The following DSCAM variants were observed in gnomAD, a reference collection of about 807,000 sequenced individuals.
DSCAM encodes DS cell adhesion molecule.
DSCAM carries 47 observed loss-of-function variants against 217.7 expected under a neutral mutation model. That is an observed-to-expected ratio of 0.22 (90% CI 0.17 to 0.28). The LOEUF is 0.28. Among genes scored for constraint, DSCAM ranks in the 10% least tolerant of loss-of-function variants. The pLI is 1.00. For synonymous variants in DSCAM, 1,056 were observed against 1,015.3 expected (o/e 1.04, Z -0.76); for missense variants, 2,080 against 2,618.3 (o/e 0.79, Z 4.49).
At chr21:40,552,802 CATAA>C (rs538832058) in intron 3 of DSCAM, among the ~76,000 whole-genome samples, 194 of 152,324 alleles carry the variant, frequency 1.3e-3, no homozygotes, top group Admixed American at 2.4e-3. Context: ...ATTGATGCCA[CATAA>C]ATAGTTTTGA....
At chr21:40,306,371 A>T (rs1424079158) in intron 9 of DSCAM, among the ~76,000 whole-genome samples, 2 of 151,394 alleles carry the variant, frequency 1.3e-5, no homozygotes, top group East Asian at 1.9e-4. Flanking sequence ...CTAGATATAC[A>T]ATCATGTCAT....
At chr21:40,671,692 C>CAAAAAAAA (rs71330402) in intron 3 of DSCAM, among the ~76,000 whole-genome samples, 3 of 108,956 alleles carry the variant, frequency 2.8e-5, no homozygotes, top group African/African-American at 7.3e-5. Context: ...ATTCCTTAAA[C>CAAAAAAAA]AAAAAAAAAA....
intron 2 of DSCAM, among the ~76,000 whole-genome samples, chr21:40,696,168 T>C (rs952528466): frequency 1.3e-5 from 2 of 152,116 alleles, no homozygotes; most frequent in Admixed American, 6.5e-5. Flanking sequence ...CTTGGTGTCA[T>C]AAGTTAGGCT....
intron 3 of DSCAM, among the ~76,000 whole-genome samples, chr21:40,453,768 C>T (rs2075741192): frequency 6.6e-6 from 1 of 152,186 alleles, no homozygotes; most frequent in African/African-American, 2.4e-5. Context: ...ATATAAAGTA[C>T]AAACAGTCCC....
At chr21:40,488,371 C>T (rs117190866) in intron 3 of DSCAM, among the ~76,000 whole-genome samples, 13 of 152,096 alleles carry the variant, frequency 8.5e-5, no homozygotes, top group African/African-American at 1.9e-4. Context: ...GGAAAAGAGA[C>T]GTTTGGTCTC....
chr21:40,831,314 C>T (rs562895486), intron 1 of DSCAM, among the ~76,000 whole-genome samples: 1 of 152,248 alleles, frequency 6.6e-6, no homozygotes, highest in South Asian at 2.1e-4. Context: ...TATGCACACA[C>T]ACACAGGCAC....
intron 4 of DSCAM, 66 bp downstream of exon 4, chr21:40,369,033 G>T: frequency 7.0e-7 from 1 of 1,431,146 alleles, no homozygotes. Context: ...AATTTTGATT[G>T]AGTCGTCTCA....
chr21:40,146,891 C>T (rs544208827), intron 16 of DSCAM, among the ~76,000 whole-genome samples: 1 of 152,222 alleles, frequency 6.6e-6, no homozygotes, highest in African/African-American at 2.4e-5. Context: ...AATTCAATTA[C>T]TCTATGTGAA....
At chr21:40,439,552 G>A (rs913462568) in intron 3 of DSCAM, among the ~76,000 whole-genome samples, 13 of 152,224 alleles carry the variant, frequency 8.5e-5, no homozygotes, top group Admixed American at 7.9e-4. Flanking sequence ...TGAGATCTGA[G>A]TCCCATGCAC....
intron 20 of DSCAM, among the ~76,000 whole-genome samples, chr21:40,122,452 T>C (rs927215503): frequency 6.6e-6 from 1 of 152,176 alleles, no homozygotes; most frequent in African/African-American, 2.4e-5. Flanking sequence ...CTAATACAGA[T>C]GCAATTCAAG....
chr21:40,687,435 A>G (rs1335873760), intron 3 of DSCAM, among the ~76,000 whole-genome samples: 3 of 152,174 alleles, frequency 2.0e-5, no homozygotes, highest in East Asian at 1.9e-4. Context: ...GTGAGGAGCA[A>G]TAAAATCACA....
chr21:40,427,495 T>TA (rs1310010952), intron 3 of DSCAM, among the ~76,000 whole-genome samples: 1 of 152,208 alleles, frequency 6.6e-6, no homozygotes, highest in African/African-American at 2.4e-5. Context: ...TCTAGAAGGC[T>TA]AAGGTCAGAC....
chr21:40,317,841 C>G, intron 8 of DSCAM, among the ~76,000 whole-genome samples: 1 of 152,004 alleles, frequency 6.6e-6, no homozygotes, highest in East Asian at 1.9e-4. Context: ...ATGTCTTGTT[C>G]ATTTTGATTG....
chr21:40,182,257 G>A (rs766637106), intron 14 of DSCAM, among the ~76,000 whole-genome samples: 71 of 152,106 alleles, frequency 4.7e-4, no homozygotes, highest in Admixed American at 2.6e-3. Context: ...AGGAGGAGGT[G>A]TGGGGACACA....
chr21:40,208,696 C>T (rs76632191), intron 11 of DSCAM, among the ~76,000 whole-genome samples: 1 of 152,134 alleles, frequency 6.6e-6, no homozygotes, highest in Non-Finnish European at 1.5e-5. Flanking sequence ...CGAGAACATG[C>T]AGAAAGATCT....
At chr21:40,622,465 T>C (rs969831877) in intron 3 of DSCAM, among the ~76,000 whole-genome samples, 3 of 152,166 alleles carry the variant, frequency 2.0e-5, no homozygotes, top group African/African-American at 7.2e-5. Context: ...ACCGACACCA[T>C]TCCCATGGAA....
At chr21:40,481,821 A>G (rs2075985539) in intron 3 of DSCAM, among the ~76,000 whole-genome samples, 1 of 152,160 alleles carries the variant, frequency 6.6e-6, no homozygotes, top group African/African-American at 2.4e-5. Flanking sequence ...CTCCATCCAT[A>G]ACAACCCGGA....
At chr21:40,414,154 T>C (rs118001952) in intron 3 of DSCAM, among the ~76,000 whole-genome samples, 220 of 152,276 alleles carry the variant, frequency 1.4e-3, no homozygotes, top group Non-Finnish European at 2.3e-3. Context: ...CTGAAAACCA[T>C]TGCTCTTCCA....
At chr21:40,271,334 T>A (rs993550288) in intron 11 of DSCAM, among the ~76,000 whole-genome samples, 4 of 152,190 alleles carry the variant, frequency 2.6e-5, no homozygotes, top group African/African-American at 9.6e-5. Context: ...GGTGCTCTTT[T>A]GTCCTGCATG....
Sources: gnomAD v4.1 joint callset for allele counts (sites outside exome capture counted in the v4.1 genomes callset) on GRCh38, gnomAD v4.1.1 for gene constraint, MANE v1.5 for transcripts, NCBI Gene and HGNC (gene_info 2026-07-23, HGNC 2026-07-21) for gene names.